Variants in FGF12 observed in about 807,000 individuals in gnomAD.
FGF12 encodes fibroblast growth factor 12.
Under a neutral mutation model 23.6 loss-of-function variants are expected in FGF12, and 14 were observed. The ratio of observed to expected loss-of-function variants is 0.59; its 90% CI spans 0.39 to 0.93. The LOEUF (loss-of-function observed/expected upper bound fraction) is 0.93. Among genes scored for constraint, FGF12 ranks in the 40% least tolerant of loss-of-function variants. The probability of loss-of-function intolerance (pLI) is 0.00; values close to 1 mark genes in which losing one functional copy is unlikely to be tolerated. For missense variants in FGF12, 175 were observed against 217.8 expected, an observed-to-expected ratio of 0.80 and a Z score of 1.24; for synonymous variants, 62 against 77.3, an observed-to-expected ratio of 0.80 and a Z score of 1.04.
intron 4 of FGF12, among the ~76,000 whole-genome samples, chr3:192,330,518 G>A (rs1267280597): frequency 6.6e-6 from 1 of 152,114 alleles, no homozygotes; most frequent in Non-Finnish European, 1.5e-5. Context: ...ATATCCACAT[G>A]CAAAAGAATG....
intron 5 of FGF12, among the ~76,000 whole-genome samples, chr3:192,158,403 TTTTC>T (rs1369576138): frequency 0.015 from 676 of 46,450 alleles, 18 homozygotes; most frequent in South Asian, 0.03. Context: ...CTCTCTTTCT[TTTTC>T]TTTCTTTCTC....
At chr3:192,484,838 T>C (rs9848786) in intron 2 of FGF12, among the ~76,000 whole-genome samples, 15,956 of 152,216 alleles carry the variant, frequency 0.1, 2,687 homozygotes, top group African/African-American at 0.35. Context: ...TTGTTGGCTA[T>C]TTTCTAGACC....
At chr3:192,277,780 T>G (rs1205968675) in intron 4 of FGF12, among the ~76,000 whole-genome samples, 1 of 152,216 alleles carries the variant, frequency 6.6e-6, no homozygotes, top group Non-Finnish European at 1.5e-5. Context: ...TTTCTTTTTT[T>G]GAGACAGAGT....
intron 2 of FGF12, among the ~76,000 whole-genome samples, chr3:192,606,647 G>T (rs185989785): frequency 6.6e-6 from 1 of 152,238 alleles, no homozygotes; most frequent in Admixed American, 6.5e-5. Flanking sequence ...TCATCACAGA[G>T]AATCTTGTAA....
intron 2 of FGF12, among the ~76,000 whole-genome samples, chr3:192,611,286 T>C (rs1306748573): frequency 2.6e-5 from 4 of 152,074 alleles, no homozygotes; most frequent in Admixed American, 2.6e-4. Flanking sequence ...AAAGCATGTA[T>C]GGCTACTTAT....
intron 2 of FGF12, among the ~76,000 whole-genome samples, chr3:192,521,838 C>T (rs146468631): frequency 5.8e-4 from 88 of 152,194 alleles, no homozygotes; most frequent in Non-Finnish European, 1.1e-3. Flanking sequence ...GCCTTTTCGC[C>T]TCCAAATTTT....
intron 2 of FGF12, among the ~76,000 whole-genome samples, chr3:192,381,142 T>G (rs1048292534): frequency 6.6e-5 from 10 of 152,168 alleles, no homozygotes; most frequent in Middle Eastern, 3.2e-3. Context: ...CACATGTTGC[T>G]AGTGGCTACC....
chr3:192,330,523 AG>A (rs1717053931), intron 4 of FGF12, among the ~76,000 whole-genome samples: 1 of 152,192 alleles, frequency 6.6e-6, no homozygotes, highest in Non-Finnish European at 1.5e-5. Flanking sequence ...CACATGCAAA[AG>A]AATGAAACTG....
intron 2 of FGF12, among the ~76,000 whole-genome samples, chr3:192,583,949 T>C (rs1713265114): frequency 6.6e-6 from 1 of 152,040 alleles, no homozygotes; most frequent in Admixed American, 6.6e-5. Flanking sequence ...TCTGCTGACT[T>C]AAAAAAAATC....
chr3:192,238,883 T>C (rs1719449809), intron 4 of FGF12, among the ~76,000 whole-genome samples: 1 of 152,192 alleles, frequency 6.6e-6, no homozygotes, highest in Non-Finnish European at 1.5e-5. Flanking sequence ...CTGGGATGGC[T>C]GAAGCTCATG....
At chr3:192,209,072 T>C (rs569305787) in intron 4 of FGF12, among the ~76,000 whole-genome samples, 109 of 152,218 alleles carry the variant, frequency 7.2e-4, no homozygotes, top group Admixed American at 1.6e-3. Context: ...TTACCATTCT[T>C]CCTTGTAGCT....
At chr3:192,719,265 AGCAG>A (rs2108745518) in intron 2 of FGF12, among the ~76,000 whole-genome samples, 1 of 152,342 alleles carries the variant, frequency 6.6e-6, no homozygotes, top group Non-Finnish European at 1.5e-5. Flanking sequence ...GCTAACAAAC[AGCAG>A]GTTCTAAGGA....
intron 2 of FGF12, among the ~76,000 whole-genome samples, chr3:192,394,087 C>A (rs1211447912): frequency 6.6e-6 from 1 of 152,164 alleles, no homozygotes; most frequent in Non-Finnish European, 1.5e-5. Context: ...AAATAAGTCT[C>A]CAGCTTTCAC....
intron 4 of FGF12, among the ~76,000 whole-genome samples, chr3:192,237,178 C>T (rs1719346777): frequency 6.6e-6 from 1 of 152,164 alleles, no homozygotes; most frequent in African/African-American, 2.4e-5. Flanking sequence ...TCTTCTGGCT[C>T]ATAAGGGTTC....
intron 2 of FGF12, among the ~76,000 whole-genome samples, chr3:192,410,453 C>T (rs1376478165): frequency 6.6e-6 from 1 of 152,138 alleles, no homozygotes; most frequent in Non-Finnish European, 1.5e-5. Flanking sequence ...AGTTAAAGGA[C>T]CCTAGGTGCG....
At chr3:192,576,543 G>A (rs1712895059) in intron 2 of FGF12, among the ~76,000 whole-genome samples, 1 of 152,100 alleles carries the variant, frequency 6.6e-6, no homozygotes, top group Non-Finnish European at 1.5e-5. Context: ...GGGGAAATCA[G>A]GTCAATGTCT....
At chr3:192,255,995 C>T (rs74739119) in intron 4 of FGF12, among the ~76,000 whole-genome samples, 2,861 of 152,116 alleles carry the variant, frequency 0.019, 73 homozygotes, top group African/African-American at 0.054. Context: ...GGGAGGGAAA[C>T]TGCAAGTCAC....
rs547950789 is a variant in FGF12, at chr3:192,423,825, T to C, written c.14-63287A>G. 3.9e-5 allele frequency among the ~76,000 whole-genome samples: 6 copies of C among 152,240 alleles called. No homozygotes were observed. In the South Asian group the frequency reaches 1.0e-3, roughly 26 times the overall value. On this transcript the variant is annotated intron_variant, in intron 2 of 5. Coordinates refer to ENST00000445105, the MANE Select transcript of FGF12 (RefSeq NM_004113.6). Reference sequence around the variant, plus strand: ...CTAACAAAAGCTAGTAGGTACAAAATGACACAGTTTATAGAAGCTTCCCAT... The same window carrying C: ...CTAACAAAAGCTAGTAGGTACAAAACGACACAGTTTATAGAAGCTTCCCAT...
intron 2 of FGF12, among the ~76,000 whole-genome samples, chr3:192,532,795 C>T (rs1377478487): frequency 6.6e-6 from 1 of 152,096 alleles, no homozygotes; most frequent in Admixed American, 6.5e-5. Flanking sequence ...AAATAAATCA[C>T]TATTTCTTAT....
Sources: allele counts gnomAD v4.1 joint callset (sites outside exome capture counted in the v4.1 genomes callset), GRCh38; gene constraint gnomAD v4.1.1; transcripts MANE v1.5; gene names NCBI Gene and HGNC (gene_info 2026-07-23, HGNC 2026-07-21).